Variants in ABCC12 observed in about 807,000 individuals in gnomAD.
ABCC12 encodes ATP-binding cassette sub-family C member 12.
ABCC12 carries 142 observed loss-of-function variants against 151.1 expected under a neutral mutation model. The ratio of observed to expected loss-of-function variants is 0.94; its 90% confidence interval spans 0.82 to 1.08. The LOEUF (loss-of-function observed/expected upper bound fraction) is 1.08, where lower values mean the gene tolerates loss of function less well. ABCC12 is among the 50% of genes least tolerant of loss of function. The pLI, the probability that ABCC12 is intolerant of heterozygous loss-of-function variation, is 0.00. For missense variants in ABCC12, 1,638 were observed against 1,691.1 expected (o/e 0.97, Z 0.55); for synonymous variants, 645 against 646.4 (o/e 1.00, Z 0.03).
chr16:48,154,974 G>A (rs1292610162), intron 1 of ABCC12, among the ~76,000 whole-genome samples: 2 of 152,222 alleles, frequency 1.3e-5, no homozygotes, highest in East Asian at 1.9e-4. Context: ...GGCCTGACTG[G>A]CCTCCAGCAC....
Position 48,107,384 on chromosome 16 carries a change from T to A in ABCC12, c.2413A>T (p.Met805Leu), listed in dbSNP as rs374001071. ...SLFTVFLFLLMIGSAAFSNWW... is the reference protein window; with the variant it reads ...SLFTVFLFLLLIGSAAFSNWW... Reference sequence around the variant, plus strand: ...TTGCTGAAGGCAGCGCTGCCAATCATCAGGAGGAAGAGGAACACAGTGAAG... The same window carrying A: ...TTGCTGAAGGCAGCGCTGCCAATCAACAGGAGGAAGAGGAACACAGTGAAG... The change falls in exon 20 of 31, where the codon ATG becomes TTG. Residue 805 changes from methionine (M) to leucine (L), a missense_variant. Transcript: ENST00000311303. 6.2e-7 allele frequency: 1 copy of A among 1,614,002 alleles called. No individual in the cohort carries two copies. The highest frequency in any genetic ancestry group is 1.1e-5 in the South Asian group (1 of 91,070).
Position 48,091,200 on chromosome 16 carries a change from G to C in ABCC12, c.3205C>G (p.Leu1069Val), listed in dbSNP as rs1459046361. Residue 1069 changes from leucine to valine, a missense_variant, in exon 25 of 31, where the codon CTG (leucine) becomes GTG (valine). Physicochemically the swap from Leu to Val is conservative, Grantham distance 32. Transcript: ENST00000311303. ...SLSYIIQLSG[L>V]LQVCVRTGTE... is the part of the protein sequence containing the mutation. ...CCCGTTCGCACACACACTTGGAGCA[G>C]TCCGCTCAGCTGTTGAAAAGGAGCG... is the stretch of plus-strand genomic sequence containing the variant. The C allele has an allele frequency of 6.2e-7, 1 of 1,614,084 alleles. No homozygotes were observed. The highest frequency in any genetic ancestry group is 1.7e-5 in the Admixed American group (1 of 60,022).
At chr16:48,132,641 T>A (rs549772546) in intron 9 of ABCC12, among the ~76,000 whole-genome samples, 2 of 152,220 alleles carry the variant, frequency 1.3e-5, no homozygotes, top group South Asian at 4.1e-4. Flanking sequence ...AGCATTTCGT[T>A]ATCTTTGGAT....
At chr16:48,091,538 C>A (rs1310508424) in intron 24 of ABCC12, among the ~76,000 whole-genome samples, 1 of 152,222 alleles carries the variant, frequency 6.6e-6, no homozygotes, top group African/African-American at 2.4e-5. Flanking sequence ...AGCTGCAGAA[C>A]TGCTGGCTAT....
chr16:48,154,827 A>G (rs185766411), intron 1 of ABCC12, among the ~76,000 whole-genome samples: 114 of 152,350 alleles, frequency 7.5e-4, no homozygotes, highest in African/African-American at 2.6e-3. Context: ...AAGCAGGCAC[A>G]CCTTTAGTCA....
chr16:48,146,396 G>A lies in ABCC12; in HGVS notation c.29C>T (p.Ser10Leu). ...CCGCCGGCCTCGCTGGTCCAGATCT[G>A]AGATAAGGTAGGGTCCTTCACCCAC... MVGEGPYLI[S>L]DLDQRGRRRS... is the part of the protein sequence containing the mutation. Residue 10 changes from serine (S) to leucine (L), a missense_variant, in exon 3 of 31, where the codon TCA (serine) becomes TTA (leucine). Transcript: ENST00000311303. 6.2e-7 allele frequency: 1 copy of A among 1,614,200 alleles called. No individual in the cohort carries two copies. The highest frequency in any genetic ancestry group is 8.5e-7 in the Non-Finnish European group (1 of 1,180,034).
Position 48,140,935 on chromosome 16 carries a change from G to A in ABCC12, c.424-15C>T. 6.8e-6 allele frequency: 11 copies of A among 1,608,300 alleles called. No individual in the cohort carries two copies. The highest frequency in any genetic ancestry group is 9.4e-6 in the Non-Finnish European group (11 of 1,175,444). On this transcript the variant is annotated splice_polypyrimidine_tract_variant and intron_variant, in intron 5 of 30. Coordinates refer to ENST00000311303, the MANE Select transcript of ABCC12 (RefSeq NM_001393797.1). ...ATGAGAACTGTCTGTAAAACAGCAT[G>A]GTGGGGAGAAGAGAGGGCCACTGAG...
intron 19 of ABCC12, among the ~76,000 whole-genome samples, chr16:48,108,130 G>A (rs944112723): frequency 6.6e-6 from 1 of 152,218 alleles, no homozygotes; most frequent in African/African-American, 2.4e-5. Flanking sequence ...ATCTTTTATG[G>A]AAGGCTGGCA....
At position 48,141,452 on chromosome 16, in the gene ABCC12, C is replaced by T; in HGVS notation, c.276-99G>A. 3 of 1,486,164 alleles carry T rather than the reference C, an allele frequency of 2.0e-6. 1 individual carries two copies. The highest frequency in any genetic ancestry group is 9.1e-7 in the Non-Finnish European group (1 of 1,095,616). 92.1% of individuals were successfully genotyped at this position (1,486,164 alleles called of 1,614,324 possible). A position where few individuals can be genotyped will look rare whatever the true frequency, so the allele number is the denominator to read the frequency against. On this transcript the variant is annotated intron_variant, in intron 4 of 30. Transcript: ENST00000311303. ...GCTCTTGCAAGGGTGCTCGGCAGAG[C>T]CCCCCTCCCTGGCAGTGGTGCCTTC...
chr16:48,140,750 G>C lies in ABCC12; in HGVS notation c.594C>G (p.Leu198=). 1 of 1,614,222 alleles carries C rather than the reference G, an allele frequency of 6.2e-7. No homozygotes were observed. ...CTAGGTTTTCAAAAACCAAGGTGGA[G>C]AGCGCCACCTTCAACCGGATGGCCG... The part of the protein sequence containing the change: ...YRTAIRLKVA[L]STLVFENLVS... Residue 198 remains leucine (L), a synonymous_variant, in exon 6 of 31, where the codon CTC becomes CTG. Coordinates refer to ENST00000311303, the MANE Select transcript of ABCC12 (RefSeq NM_001393797.1).
At chr16:48,123,933 C>G in intron 12 of ABCC12, among the ~76,000 whole-genome samples, 1 of 152,368 alleles carries the variant, frequency 6.6e-6, no homozygotes, top group Admixed American at 6.5e-5. Flanking sequence ...GGTTTAAGGA[C>G]CCATCTCTCC....
Position 48,083,642 on chromosome 16 carries a change from C to A in ABCC12, c.*73G>T. On this transcript the variant is annotated 3_prime_UTR_variant, in exon 31 of 31. Coordinates refer to ENST00000311303, the MANE Select transcript of ABCC12 (RefSeq NM_001393797.1). ...CCAGGGCTGCCTGCGGAGAGGACAGCCCCTCCTCCTGAAGACTCCTCCTAT... is the reference window on the plus strand; with the variant it reads ...CCAGGGCTGCCTGCGGAGAGGACAGACCCTCCTCCTGAAGACTCCTCCTAT... The A allele has an allele frequency of 6.7e-7, 1 of 1,491,152 alleles. No individual in the cohort carries two copies. Among genetic ancestry groups the A allele is most frequent in the Non-Finnish European group, 9.3e-7 (1 of 1,079,778 alleles). 92.4% of individuals were successfully genotyped at this position (1,491,152 alleles called of 1,614,324 possible). A position where few individuals can be genotyped will look rare whatever the true frequency, so the allele number is the denominator to read the frequency against.
At chr16:48,106,368 C>T (rs930154940) in intron 20 of ABCC12, among the ~76,000 whole-genome samples, 3 of 152,014 alleles carry the variant, frequency 2.0e-5, no homozygotes, top group African/African-American at 7.2e-5. Context: ...CAGGCGCAAA[C>T]ATACAGTGTC....
rs1226421278 is a variant in ABCC12, at chr16:48,083,953, T to G, written c.3949A>C (p.Thr1317Pro). Residue 1317 changes from threonine (T) to proline (P), a missense_variant, in exon 30 of 31, where the codon ACA (threonine) becomes CCA (proline). Coordinates refer to ENST00000311303, the MANE Select transcript of ABCC12 (RefSeq NM_001393797.1). Reference protein sequence around the residue: ...TVLTIAHRLNTVLNCDHVLVM... With the variant: ...TVLTIAHRLNPVLNCDHVLVM... ...AGGACGTGATCGCAGTTGAGAACTG[T>G]GTTGAGGCGGTGGGCGATGGTCAGC... 6.2e-7 allele frequency: 1 copy of G among 1,613,134 alleles called. No individual in the cohort carries two copies.
intron 11 of ABCC12, among the ~76,000 whole-genome samples, chr16:48,126,722 C>G (rs1212561107): frequency 6.6e-6 from 1 of 152,168 alleles, no homozygotes; most frequent in East Asian, 1.9e-4. Flanking sequence ...TAGGAAGTGG[C>G]TGGGCCTGGA....
At chr16:48,138,424 A>G in intron 7 of ABCC12, 49 bp from the exon 8 acceptor site, 1 of 1,558,860 alleles carries the variant, frequency 6.4e-7, no homozygotes, top group Non-Finnish European at 8.7e-7. Flanking sequence ...GCTGAGTTGC[A>G]GCTGGCCTAA....
chr16:48,134,402 A>G (rs887062656), intron 8 of ABCC12, among the ~76,000 whole-genome samples: 2 of 152,358 alleles, frequency 1.3e-5, no homozygotes, highest in South Asian at 4.1e-4. Flanking sequence ...AGGTAACAAT[A>G]GCCTGAAACA....
At chr16:48,090,697 A>C (rs1962842800) in intron 25 of ABCC12, among the ~76,000 whole-genome samples, 1 of 151,950 alleles carries the variant, frequency 6.6e-6, no homozygotes, top group Admixed American at 6.6e-5. Context: ...AAGAGGGATG[A>C]CTCGTCCGAT....
chr16:48,133,763 G>C lies in ABCC12; in HGVS notation c.1052C>G (p.Pro351Arg), dbSNP rs775928547. The C allele has an allele frequency of 8.1e-6, 13 of 1,614,116 alleles. No homozygotes were observed. Among genetic ancestry groups the C allele is most frequent in the Admixed American group, 1.7e-5 (1 of 60,012 alleles). Residue 351 changes from proline to arginine, a missense_variant, in exon 9 of 31, where the codon CCC becomes CGC. Transcript: ENST00000311303. ...CACGATGGCTATGGTGGACACGATG[G>C]GGGCCAGGGCAGAGTTTCCACTTTG... is the stretch of plus-strand genomic sequence containing the variant. ...FVQSGNSALA[P>R]IVSTIAIVLT...
Sources: gnomAD v4.1 joint callset for allele counts (sites outside exome capture counted in the v4.1 genomes callset) on GRCh38, gnomAD v4.1.1 for gene constraint, MANE v1.5 for transcripts, NCBI Gene and HGNC (gene_info 2026-07-23, HGNC 2026-07-21) for gene names.